DPF2: variants seen among roughly 807,000 people sequenced by gnomAD.
DPF2 encodes double PHD fingers 2.
In DPF2, 10 loss-of-function variants were observed where a neutral mutation model predicts 59.6. That is an observed-to-expected ratio of 0.17 (90% CI 0.10 to 0.28). DPF2 has a LOEUF of 0.28. Among genes scored for constraint, DPF2 ranks in the 10% least tolerant of loss-of-function variants. DPF2 has a pLI of 1.00. For missense variants in DPF2, 315 were observed against 509.4 expected (o/e 0.62, Z 3.67); for synonymous variants, 189 against 190.6 (o/e 0.99, Z 0.07).
intron 1 of DPF2, among the ~76,000 whole-genome samples, chr11:65,334,495 A>G (rs1468283881): frequency 6.6e-6 from 1 of 152,180 alleles, no homozygotes; most frequent in Non-Finnish European, 1.5e-5. Flanking sequence ...AAGGGAAGGA[A>G]CTTCAGGGGA....
In DPF2 at chr11:65,337,803, T is replaced by G. The variant is rs376872492; in HGVS notation, c.33-2582T>G. Among the ~76,000 whole-genome samples the G allele has an allele frequency of 1.4e-4, 21 of 152,094 alleles. No homozygotes were observed. In the East Asian group the frequency reaches 1.5e-3, roughly 11 times the overall value. On this transcript the variant is annotated intron_variant, in intron 1 of 10. Coordinates refer to ENST00000528416, the MANE Select transcript of DPF2 (RefSeq NM_006268.5). ...TTTTTTTGTTTGTTTGTTTTGTTTTTTTTAATTTTATTTTTTTTGAGACAG... is the reference window on the plus strand; with the variant it reads ...TTTTTTTGTTTGTTTGTTTTGTTTTGTTTAATTTTATTTTTTTTGAGACAG...
chr11:65,348,407 T>A (rs112868332), intron 9 of DPF2: 16 of 155,148 alleles, frequency 1.0e-4, no homozygotes, highest in Admixed American at 5.2e-4. Context: ...TAAGGAGATC[T>A]TGTCTCTCCA....
intron 1 of DPF2, 119 bp downstream of exon 1, chr11:65,334,037 G>T: frequency 7.0e-7 from 1 of 1,420,868 alleles, no homozygotes. Flanking sequence ...GCCATGTTGC[G>T]ACTCCTGGTG....
Position 65,352,663 on chromosome 11 carries a change from T to C in DPF2, c.*904T>C, listed in dbSNP as rs533142276. On this transcript the variant is annotated 3_prime_UTR_variant, in exon 11 of 11. Coordinates refer to ENST00000528416, the MANE Select transcript of DPF2 (RefSeq NM_006268.5). The stretch of plus-strand genomic sequence containing the variant: ...ATTCAGCCTCCTGCTCTTAACTGAA[T>C]TGGGAGCCTCTGCCACCTGCCCCGT... The C allele has an allele frequency of 2.0e-5, 3 of 152,804 alleles. No individual in the cohort carries two copies. The highest frequency in any genetic ancestry group is 2.1e-4 in the South Asian group (1 of 4,824). 9.5% of individuals were successfully genotyped at this position (152,804 alleles called of 1,614,324 possible). A position where few individuals can be genotyped will look rare whatever the true frequency, so the allele number is the denominator to read the frequency against.
At chr11:65,345,486 A>G in intron 6 of DPF2, 180 bp from the exon 7 acceptor site, 1 of 796,804 alleles carries the variant, frequency 1.3e-6, no homozygotes. Flanking sequence ...AGAGAGCCCC[A>G]CGGCCTGATG....
At position 65,345,747 on chromosome 11, in the gene DPF2, A is replaced by G. The variant is rs1240704424; in HGVS notation, c.719A>G (p.Asp240Gly). The G allele has an allele frequency of 1.9e-6, 3 of 1,614,102 alleles. No individual in the cohort carries two copies. Among genetic ancestry groups the G allele is most frequent in the East Asian group, 2.2e-5 (1 of 44,884 alleles). ...CACTTGGCTGAGGAGGAGGGCGAGG[A>G]CAAGGAAGACTCTCAACCACCCACT... is the stretch of plus-strand genomic sequence containing the variant. ...HSHLAEEEGE[D>G]KEDSQPPTPV... Residue 240 changes from aspartate (D) to glycine (G), a missense_variant, in exon 7 of 11, where the codon GAC (aspartate) becomes GGC (glycine). Coordinates refer to ENST00000528416, the MANE Select transcript of DPF2 (RefSeq NM_006268.5).
rs1354240478 is a variant in DPF2 at position 65,354,116 on chromosome 11, G to A, written c.*2357G>A. Among the ~76,000 whole-genome samples, 2 of 152,232 alleles carry A rather than the reference G, an allele frequency of 1.3e-5. No homozygotes were observed. The highest frequency in any genetic ancestry group is 2.9e-5 in the Non-Finnish European group (2 of 68,032). On this transcript the variant is annotated 3_prime_UTR_variant, in exon 11 of 11. Transcript: ENST00000528416. Reference sequence around the variant, plus strand: ...AGCTGTGAGCGGAGGGAGCAGCGAGGCTGGAGAGCAGCTGGGCTGCGGGTC... The same window carrying A: ...AGCTGTGAGCGGAGGGAGCAGCGAGACTGGAGAGCAGCTGGGCTGCGGGTC...
At position 65,353,445 on chromosome 11, in the gene DPF2, A is replaced by C. The variant is rs1016475625; in HGVS notation, c.*1686A>C. ...ATGGGACACACACAAAAGTTCTTGC[A>C]GGAGCAGGGTCTGTGTGGCTTCAGT... On this transcript the variant is annotated 3_prime_UTR_variant, in exon 11 of 11. Transcript: ENST00000528416. Among the ~76,000 whole-genome samples, 1 of 152,248 alleles carries C rather than the reference A, an allele frequency of 6.6e-6. No homozygotes were observed. Among genetic ancestry groups the C allele is most frequent in the Non-Finnish European group, 1.5e-5 (1 of 68,048 alleles).
Position 65,341,396 on chromosome 11 carries a change from C to G in DPF2, c.302-3C>G. 6.2e-7 allele frequency: 1 copy of G among 1,614,156 alleles called. No homozygotes were observed. The highest frequency in any genetic ancestry group is 8.5e-7 in the Non-Finnish European group (1 of 1,180,008). On this transcript the variant is annotated splice_polypyrimidine_tract_variant and splice_region_variant and intron_variant, in intron 3 of 10. Transcript: ENST00000528416. Reference sequence around the variant, plus strand: ...CCTTGCTTTATCCTGACCTTGCTTGCAGACACAGACCAGACCCTGAAGAAG... The same window carrying G: ...CCTTGCTTTATCCTGACCTTGCTTGGAGACACAGACCAGACCCTGAAGAAG...
rs947476276 is a variant in DPF2, at chr11:65,353,378, G to A, written c.*1619G>A. 1.3e-5 allele frequency: 2 copies of A among 152,134 alleles called. No homozygotes were observed. Among genetic ancestry groups the A allele is most frequent in the African/African-American group, 4.8e-5 (2 of 41,384 alleles). 9.4% of individuals were successfully genotyped at this position (152,134 alleles called of 1,614,324 possible). A position where few individuals can be genotyped will look rare whatever the true frequency, so the allele number is the denominator to read the frequency against. ...TCAGACATTTAAAACAGGACCAGAA[G>A]TTTATATAAATATAATTAATAAGCA... is the stretch of plus-strand genomic sequence containing the variant. On this transcript the variant is annotated 3_prime_UTR_variant, in exon 11 of 11. Coordinates refer to ENST00000528416, the MANE Select transcript of DPF2 (RefSeq NM_006268.5).
chr11:65,337,278 T>C (rs930852959), intron 1 of DPF2, among the ~76,000 whole-genome samples: 16 of 150,432 alleles, frequency 1.1e-4, no homozygotes, highest in African/African-American at 3.9e-4. Context: ...GGTGAAACCC[T>C]GTCTCTACTA....
At chr11:65,340,677 T>C (rs1273610780) in intron 2 of DPF2, 132 bp downstream of exon 2, 2 of 1,310,524 alleles carry the variant, frequency 1.5e-6, no homozygotes, top group African/African-American at 2.9e-5. Context: ...GGTCTTCCTG[T>C]GATTAGAAAC....
At position 65,341,555 on chromosome 11, in the gene DPF2, C is replaced by T. The variant is rs748650780; in HGVS notation, c.458C>T (p.Ala153Val). The T allele has an allele frequency of 8.1e-6, 13 of 1,613,876 alleles. No individual in the cohort carries two copies. The highest frequency in any genetic ancestry group is 3.3e-4 in the Middle Eastern group (2 of 6,084). The change falls in exon 4 of 11, where the codon GCG (alanine) becomes GTG (valine). Residue 153 changes from alanine to valine, a missense_variant. Physicochemically the swap from Ala to Val is moderately conservative, Grantham distance 64. Coordinates refer to ENST00000528416, the MANE Select transcript of DPF2 (RefSeq NM_006268.5). ...GAGTTTCCTGTGACCAACAGTCGAG[C>T]GCGAAAGGTACAGGATTATCCCTGT... The part of the protein sequence containing the change: ...LGEFPVTNSR[A>V]RKRILEPDDF...
chr11:65,337,545 A>AGAGAGAGAGG (rs1211980981), intron 1 of DPF2, among the ~76,000 whole-genome samples: 8 of 136,938 alleles, frequency 5.8e-5, no homozygotes, highest in East Asian at 4.3e-4. Context: ...AGAGAGAGAG[A>AGAGAGAGAGG]GAACAATGTT....
chr11:65,336,745 C>T (rs1466482714), intron 1 of DPF2, among the ~76,000 whole-genome samples: 9 of 141,834 alleles, frequency 6.3e-5, no homozygotes, highest in Non-Finnish European at 1.4e-4. Flanking sequence ...GCCAAGATCG[C>T]ACCACTGCAC....
At chr11:65,337,362 G>A (rs1050712924) in intron 1 of DPF2, among the ~76,000 whole-genome samples, 4 of 148,592 alleles carry the variant, frequency 2.7e-5, no homozygotes, top group South Asian at 2.1e-4. Flanking sequence ...GTTGGAACCC[G>A]GGAGGCAGAA....
Position 65,346,053 on chromosome 11 carries a change from G to A in DPF2, c.899G>A (p.Arg300His). ...CTGGTGTCCTGTTCTGACTGTGGCCGCTCAGGTACTGCTTCCCGTGAAGGC... is the reference window on the plus strand; with the variant it reads ...CTGGTGTCCTGTTCTGACTGTGGCCACTCAGGTACTGCTTCCCGTGAAGGC... ...EELVSCSDCGRSGHPSCLQFT... is the reference protein window; with the variant it reads ...EELVSCSDCGHSGHPSCLQFT... The change falls in exon 8 of 11, where the codon CGC becomes CAC. Residue 300 changes from arginine to histidine, a missense_variant. Transcript: ENST00000528416. 1 of 1,614,134 alleles carries A rather than the reference G, an allele frequency of 6.2e-7. No individual in the cohort carries two copies. Among genetic ancestry groups the A allele is most frequent in the Non-Finnish European group, 8.5e-7 (1 of 1,180,010 alleles).
At chr11:65,337,373 G>A (rs1223499263) in intron 1 of DPF2, among the ~76,000 whole-genome samples, 1 of 142,012 alleles carries the variant, frequency 7.0e-6, no homozygotes, top group Non-Finnish European at 1.5e-5. Context: ...GGAGGCAGAA[G>A]CTGCAGTAGG....
At chr11:65,337,471 AAAAAT>A (rs1565527210) in intron 1 of DPF2, among the ~76,000 whole-genome samples, 7 of 49,878 alleles carry the variant, frequency 1.4e-4, no homozygotes, top group African/African-American at 3.0e-4. Flanking sequence ...AAAAAAAAAA[AAAAAT>A]ATATATATAT....
Sources: allele counts gnomAD v4.1 joint callset (sites outside exome capture counted in the v4.1 genomes callset), GRCh38; gene constraint gnomAD v4.1.1; transcripts MANE v1.5; gene names NCBI Gene and HGNC (gene_info 2026-07-23, HGNC 2026-07-21).